Variants in UBFD1 observed in about 807,000 individuals in gnomAD.
UBFD1 encodes ubiquitin family domain containing 1, also known as ubiquitin domain-containing protein UBFD1.
UBFD1 carries 12 observed loss-of-function variants against 35.1 expected under a neutral mutation model. The ratio of observed to expected loss-of-function variants is 0.34; its 90% CI spans 0.22 to 0.55. The LOEUF (loss-of-function observed/expected upper bound fraction) is 0.55, where lower values mean the gene tolerates loss of function less well. Among genes scored for constraint, UBFD1 ranks in the 20% least tolerant of loss-of-function variants. UBFD1 has a pLI of 0.89. For missense variants in UBFD1, 337 were observed against 410.8 expected, an observed-to-expected ratio of 0.82 and a Z score of 1.55; for synonymous variants, 178 against 167.6, an observed-to-expected ratio of 1.06 and a Z score of -0.48.
intron 3 of UBFD1, among the ~76,000 whole-genome samples, chr16:23,560,461 T>G (rs1965914587): frequency 6.6e-6 from 1 of 152,178 alleles, no homozygotes; most frequent in African/African-American, 2.4e-5. Context: ...GTGTCTGAAG[T>G]AGAGTAGATA....
chr16:23,560,303 C>T (rs992053770), intron 3 of UBFD1, among the ~76,000 whole-genome samples: 5 of 152,056 alleles, frequency 3.3e-5, no homozygotes, highest in South Asian at 2.1e-4. Context: ...TTTCACGTAA[C>T]GAGGAAAAGT....
intron 2 of UBFD1, among the ~76,000 whole-genome samples, chr16:23,558,594 G>A (rs1278585269): frequency 6.6e-6 from 1 of 152,176 alleles, no homozygotes; most frequent in African/African-American, 2.4e-5. Flanking sequence ...TTTCCCAGGA[G>A]ATTCTGATTC....
chr16:23,562,556 C>A, intron 4 of UBFD1, 69 bp from the exon 5 acceptor site: 1 of 1,459,254 alleles, frequency 6.9e-7, no homozygotes, highest in East Asian at 2.3e-5. Context: ...GCGTGAGCCA[C>A]CGCGCTTGGC....
At chr16:23,570,335 G>T in intron 6 of UBFD1, 145 bp from the exon 7 acceptor site, 1 of 643,962 alleles carries the variant, frequency 1.6e-6, no homozygotes, top group Non-Finnish European at 2.7e-6. Context: ...TTTTTGGTTG[G>T]GAGAATGCTC....
rs970590137 is a variant in UBFD1 at position 23,572,726 on chromosome 16, G to A, written c.*2136G>A. 1.3e-5 allele frequency: 2 copies of A among 153,626 alleles called. No homozygotes were observed. Among genetic ancestry groups the A allele is most frequent in the African/African-American group, 4.8e-5 (2 of 41,460 alleles). The allele number at this position is 153,626 out of a possible 1,614,324, so 9.5% of individuals were successfully genotyped here. A position where few individuals can be genotyped will look rare whatever the true frequency, so the allele number is the denominator to read the frequency against. ...CTGGTGTCATTTCAGGAGGACCAAA[G>A]CCTGCGTGAGCCTTTTTATTTTCAG... On this transcript the variant is annotated 3_prime_UTR_variant, in exon 7 of 7. Transcript: ENST00000395878.
intron 3 of UBFD1, among the ~76,000 whole-genome samples, chr16:23,561,514 TA>T (rs1348910252): frequency 6.6e-6 from 1 of 152,114 alleles, no homozygotes; most frequent in African/African-American, 2.4e-5. Flanking sequence ...GGGCAGGTGG[TA>T]GGGGTGGAGT....
intron 2 of UBFD1, among the ~76,000 whole-genome samples, chr16:23,558,858 G>A (rs1392977032): frequency 6.7e-6 from 1 of 149,674 alleles, no homozygotes; most frequent in Non-Finnish European, 1.5e-5. Flanking sequence ...TTGGCTCACT[G>A]CAGCCTCCGC....
chr16:23,570,688 G>T lies in UBFD1; in HGVS notation c.*98G>T. 2.0e-6 allele frequency: 2 copies of T among 1,010,422 alleles called. No individual in the cohort carries two copies. The allele number at this position is 1,010,422 out of a possible 1,614,324, so 62.6% of individuals were successfully genotyped here. A position where few individuals can be genotyped will look rare whatever the true frequency, so the allele number is the denominator to read the frequency against. On this transcript the variant is annotated 3_prime_UTR_variant, in exon 7 of 7. Transcript: ENST00000395878. ...CTGGATTTCAGAGTTCTGGAACTTT[G>T]TTCATAAAAAATCTATATTCAATCT...
chr16:23,562,804 C>A, intron 5 of UBFD1, 74 bp downstream of exon 5: 2 of 1,257,858 alleles, frequency 1.6e-6, no homozygotes, highest in Non-Finnish European at 2.3e-6. Flanking sequence ...TTTTAGAGTG[C>A]GATTTCACCC....
At chr16:23,559,364 G>A in intron 2 of UBFD1, 104 bp from the exon 3 acceptor site, 1 of 931,290 alleles carries the variant, frequency 1.1e-6, no homozygotes, top group Non-Finnish European at 1.6e-6. Flanking sequence ...ATAGGTGGTG[G>A]AGGCAGTATT....
At position 23,571,752 on chromosome 16, in the gene UBFD1, G is replaced by A. The variant is rs152455; in HGVS notation, c.*1162G>A. On this transcript the variant is annotated 3_prime_UTR_variant, in exon 7 of 7. Coordinates refer to ENST00000395878, the MANE Select transcript of UBFD1 (RefSeq NM_019116.3). ...ACATCTGACCCTAGCAGGTTGGCCA[G>A]TGTTATTGAACAACAAAAATGGGAT... The A allele has an allele frequency of 0.27, 41,955 of 152,570 alleles. 6,564 individuals carry two copies. The highest frequency in any genetic ancestry group is 0.43 in the African/African-American group (17,730 of 41,446). 9.5% of individuals were successfully genotyped at this position (152,570 alleles called of 1,614,324 possible). A position where few individuals can be genotyped will look rare whatever the true frequency, so the allele number is the denominator to read the frequency against.
intron 3 of UBFD1, 46 bp from the exon 4 acceptor site, chr16:23,562,160 G>A (rs371945050): frequency 7.0e-6 from 11 of 1,560,920 alleles, no homozygotes; most frequent in South Asian, 4.6e-5. Flanking sequence ...GTAACACGAC[G>A]AAATGTAGTC....
At position 23,568,157 on chromosome 16, in the gene UBFD1, C is replaced by CTTT. The variant is rs34119136; in HGVS notation, c.819+1107_819+1109dup. On this transcript the variant is annotated intron_variant, in intron 6 of 6. Transcript: ENST00000395878. The stretch of plus-strand genomic sequence containing the variant: ...CTTCCACCCCTACTCTCTCTGTAGT[C>CTTT]TTTTTTTTTTTTTTTTTTTTTGAGA... Among the ~76,000 whole-genome samples, 90 of 114,580 alleles carry CTTT rather than the reference C, an allele frequency of 7.9e-4. 1 individual carries two copies. The highest frequency in any genetic ancestry group is 1.2e-3 in the African/African-American group (36 of 29,530). The allele number at this position is 114,580 out of a possible 152,430, so 75.2% of individuals were successfully genotyped here. A position where few individuals can be genotyped will look rare whatever the true frequency, so the allele number is the denominator to read the frequency against.
rs1347262246 is a variant in UBFD1, at chr16:23,572,957, A to T, written c.*2367A>T. 1 of 152,198 alleles carries T rather than the reference A, an allele frequency of 6.6e-6. No individual in the cohort carries two copies. Among genetic ancestry groups the T allele is most frequent in the Non-Finnish European group, 1.5e-5 (1 of 68,036 alleles). 9.4% of individuals were successfully genotyped at this position (152,198 alleles called of 1,614,324 possible). A position where few individuals can be genotyped will look rare whatever the true frequency, so the allele number is the denominator to read the frequency against. ...GAGAGCAGACATAGCACCAGAAGCC[A>T]CTGGGAGAAGTGTTTTCGATCCGTG... is the stretch of plus-strand genomic sequence containing the variant. On this transcript the variant is annotated 3_prime_UTR_variant, in exon 7 of 7. Transcript: ENST00000395878.
rs1300391115 is a variant in UBFD1 at position 23,557,773 on chromosome 16, T to TGCGGCGGGGGTGGCGG, written c.25+10_25+25dup. 7.8e-7 allele frequency: 1 copy of TGCGGCGGGGGTGGCGG among 1,285,404 alleles called. No homozygotes were observed. Among genetic ancestry groups the TGCGGCGGGGGTGGCGG allele is most frequent in the African/African-American group, 1.6e-5 (1 of 64,204 alleles). 79.6% of individuals were successfully genotyped at this position (1,285,404 alleles called of 1,614,324 possible). On this transcript the variant is annotated splice_region_variant and intron_variant, in intron 1 of 6. Coordinates refer to ENST00000395878, the MANE Select transcript of UBFD1 (RefSeq NM_019116.3). ...GGCGGCCGGGGCCCCGGATGGTGAG[T>TGCGGCGGGGGTGGCGG]GCGGCGGGGGTGGCGGGCGCCGGGC... is the stretch of plus-strand genomic sequence containing the variant.
At chr16:23,564,089 T>C (rs942059861) in intron 5 of UBFD1, 8 of 152,230 alleles carry the variant, frequency 5.3e-5, no homozygotes, top group African/African-American at 1.9e-4. Context: ...TGACCAGCAC[T>C]GTAGGTATTC....
rs748246036 is a variant in UBFD1 at position 23,562,279 on chromosome 16, G to A, written c.630+8G>A. 37 of 1,613,428 alleles carry A rather than the reference G, an allele frequency of 2.3e-5. No individual in the cohort carries two copies. In the Middle Eastern group the frequency reaches 3.0e-3, roughly 130 times the overall value. On this transcript the variant is annotated splice_region_variant and intron_variant, in intron 4 of 6. Transcript: ENST00000395878. ...TCTGTTAAGGGGGCCCAGGTAAGGC[G>A]GATTTCTTTGTGAGCATTCTGAAAA...
At chr16:23,559,442 C>T in intron 2 of UBFD1, 26 bp from the exon 3 acceptor site, 1 of 1,602,038 alleles carries the variant, frequency 6.2e-7, no homozygotes, top group Non-Finnish European at 8.5e-7. Context: ...CTTCCTTTCA[C>T]TGTCCACCTT....
chr16:23,559,751 T>C, intron 3 of UBFD1, 75 bp downstream of exon 3: 1 of 1,591,174 alleles, frequency 6.3e-7, no homozygotes, highest in South Asian at 1.1e-5. Context: ...GGTTATATTC[T>C]CCCTAGAATA....
Sources: allele counts gnomAD v4.1 joint callset (sites outside exome capture counted in the v4.1 genomes callset), GRCh38; gene constraint gnomAD v4.1.1; transcripts MANE v1.5; gene names NCBI Gene and HGNC (gene_info 2026-07-23, HGNC 2026-07-21).